COL26A1: variants seen among roughly 807,000 people sequenced by gnomAD.
COL26A1 encodes the protein collagen type XXVI alpha 1 chain, also known as collagen alpha-1(XXVI) chain.
A neutral mutation model predicts 59.3 loss-of-function variants in COL26A1; 41 were observed. The observed-to-expected ratio is 0.69, with a 90% CI of 0.54 to 0.90. The LOEUF is 0.90. Ranked by LOEUF, COL26A1 falls within the 40% of genes least tolerant of loss-of-function variation. The pLI, the probability that COL26A1 is intolerant of heterozygous loss-of-function variation, is 0.00. For synonymous variants in COL26A1, 266 were observed against 256.0 expected, an observed-to-expected ratio of 1.04 and a Z score of -0.37; for missense variants, 612 against 602.3, an observed-to-expected ratio of 1.02 and a Z score of -0.17.
intron 1 of COL26A1, among the ~76,000 whole-genome samples, chr7:101,391,993 C>T (rs956242915): frequency 8.6e-5 from 13 of 152,010 alleles, no homozygotes; most frequent in African/African-American, 3.1e-4. Flanking sequence ...GCTGGGATTA[C>T]AGGCATGAGC....
At position 101,397,502 on chromosome 7, in the gene COL26A1, C is replaced by T. The variant is rs893757438; in HGVS notation, c.159-22475C>T. Among the ~76,000 whole-genome samples, 50 of 146,522 alleles carry T rather than the reference C, an allele frequency of 3.4e-4. 1 individual carries two copies. The highest frequency in any genetic ancestry group is 4.5e-4 in the South Asian group (2 of 4,426). Reference sequence around the variant, plus strand: ...TTCCTTCTCCTTTCCTTCTCCTTCTCCTTCCCTTCCCTTCCCTTCCTTCTC... The same window carrying T: ...TTCCTTCTCCTTTCCTTCTCCTTCTTCTTCCCTTCCCTTCCCTTCCTTCTC... On this transcript the variant is annotated intron_variant, in intron 1 of 12. Transcript: ENST00000313669.
At chr7:101,387,774 A>ATTTTTTTTTT (rs1185449488) in intron 1 of COL26A1, among the ~76,000 whole-genome samples, 1 of 48,902 alleles carries the variant, frequency 2.0e-5, no homozygotes, top group Non-Finnish European at 4.1e-5. Flanking sequence ...ATATATATAT[A>ATTTTTTTTTT]TATATTTTTT....
intron 3 of COL26A1, among the ~76,000 whole-genome samples, chr7:101,487,825 C>T (rs1794300639): frequency 6.6e-6 from 1 of 152,180 alleles, no homozygotes; most frequent in African/African-American, 2.4e-5. Context: ...GCCCCCACCA[C>T]AACACTGATT....
intron 2 of COL26A1, among the ~76,000 whole-genome samples, chr7:101,442,056 GA>G (rs1793071735): frequency 6.6e-6 from 1 of 152,210 alleles, no homozygotes; most frequent in South Asian, 2.1e-4. Flanking sequence ...CCATCGTGCA[GA>G]GGTTAAGGGA....
At chr7:101,450,156 A>G (rs796240654) in intron 3 of COL26A1, among the ~76,000 whole-genome samples, 4 of 151,162 alleles carry the variant, frequency 2.6e-5, no homozygotes, top group African/African-American at 7.3e-5. Flanking sequence ...GATTAAAATG[A>G]GCTAGGGAAG....
At chr7:101,387,374 G>GA (rs11386764) in intron 1 of COL26A1, among the ~76,000 whole-genome samples, 57,076 of 143,552 alleles carry the variant, frequency 0.4, 12,960 homozygotes, top group Middle Eastern at 0.54. Flanking sequence ...CCGACACACT[G>GA]AAAAAAAAAA....
chr7:101,427,403 T>C (rs1425467165), intron 2 of COL26A1, among the ~76,000 whole-genome samples: 1 of 152,114 alleles, frequency 6.6e-6, no homozygotes, highest in African/African-American at 2.4e-5. Flanking sequence ...GGCTCATGCC[T>C]GTAATCCCAG....
At position 101,415,940 on chromosome 7, in the gene COL26A1, C is replaced by T. The variant is rs937722126; in HGVS notation, c.159-4037C>T. On this transcript the variant is annotated intron_variant, in intron 1 of 12. Transcript: ENST00000313669. ...GAGCCACTGCACCCAACCCCTTTCA[C>T]GTATTTTTGAGTGTGCTAGTACTGG... Among the ~76,000 whole-genome samples, 5 of 105,376 alleles carry T rather than the reference C, an allele frequency of 4.7e-5. 1 individual carries two copies. Among genetic ancestry groups the T allele is most frequent in the Non-Finnish European group, 9.9e-5 (4 of 40,318 alleles). The allele number at this position is 105,376 out of a possible 152,430, so 69.1% of individuals were successfully genotyped here.
intron 5 of COL26A1, among the ~76,000 whole-genome samples, chr7:101,543,599 G>A (rs373759576): frequency 6.6e-6 from 1 of 152,084 alleles, no homozygotes; most frequent in South Asian, 2.1e-4. Flanking sequence ...CCTCCTCGGA[G>A]GCCACCTGTT....
At chr7:101,553,131 A>C in intron 10 of COL26A1, 195 bp from the exon 11 acceptor site, 1 of 527,970 alleles carries the variant, frequency 1.9e-6, no homozygotes. Flanking sequence ...CAGGCTGAGC[A>C]GGCTGTGCCC....
chr7:101,556,831 TGATA>T (rs565873258), intron 12 of COL26A1, among the ~76,000 whole-genome samples: 189 of 151,068 alleles, frequency 1.3e-3, no homozygotes, highest in African/African-American at 4.3e-3. Flanking sequence ...GATGGATGGA[TGATA>T]GATGGATGGG....
intron 3 of COL26A1, among the ~76,000 whole-genome samples, chr7:101,526,688 C>T (rs558228800): frequency 1.0e-3 from 154 of 152,312 alleles, no homozygotes; most frequent in Admixed American, 8.1e-3. Flanking sequence ...CAGTGCTGAC[C>T]AAAGGCAGAT....
intron 1 of COL26A1, among the ~76,000 whole-genome samples, chr7:101,406,779 C>T (rs1792138112): frequency 6.6e-6 from 1 of 152,144 alleles, no homozygotes; most frequent in Non-Finnish European, 1.5e-5. Context: ...GACCCCATCT[C>T]TGCAAAACAT....
At chr7:101,524,436 T>C (rs149459347) in intron 3 of COL26A1, among the ~76,000 whole-genome samples, 319 of 152,316 alleles carry the variant, frequency 2.1e-3, no homozygotes, top group Non-Finnish European at 3.4e-3. Flanking sequence ...TCCAGAGGTA[T>C]AGACCTGACA....
chr7:101,373,582 C>A (rs529344590), intron 1 of COL26A1, among the ~76,000 whole-genome samples: 6 of 152,222 alleles, frequency 3.9e-5, no homozygotes, highest in African/African-American at 1.2e-4. Flanking sequence ...GAGGCAGTGC[C>A]TCTGCCTCAG....
chr7:101,520,766 T>G (rs1399414315), intron 3 of COL26A1, among the ~76,000 whole-genome samples: 1 of 152,002 alleles, frequency 6.6e-6, no homozygotes, highest in Non-Finnish European at 1.5e-5. Context: ...GCCCTGACTC[T>G]CTCTATAAGC....
chr7:101,494,127 C>CGTTTTGTTTTGTTTTGTTTTGTTTT lies in COL26A1; in HGVS notation c.386-38931_386-38930insTGTTTTGTTTTGTTTTGTTTTGTTT, dbSNP rs148496430. Among the ~76,000 whole-genome samples the CGTTTTGTTTTGTTTTGTTTTGTTTT allele has an allele frequency of 1.0e-3, 151 of 151,512 alleles. 1 individual carries two copies. The highest frequency in any genetic ancestry group is 3.6e-3 in the African/African-American group (148 of 41,248). ...GGTACTTCTACTTCTATTGCATTGT[C>CGTTTTGTTTTGTTTTGTTTTGTTTT]GTTTTGTTTTGTTTTGTTTTGTTTG... On this transcript the variant is annotated intron_variant, in intron 3 of 12. Transcript: ENST00000313669.
intron 3 of COL26A1, among the ~76,000 whole-genome samples, chr7:101,501,324 C>T (rs1339530038): frequency 6.6e-6 from 1 of 151,952 alleles, no homozygotes; most frequent in African/African-American, 2.4e-5. Flanking sequence ...CTAGGAGACA[C>T]GCACACATCC....
chr7:101,362,817 T>C (rs1790921284), upstream of COL26A1: 2 of 542,484 alleles, frequency 3.7e-6, no homozygotes, highest in Non-Finnish European at 6.4e-6. Context: ...ACGCCCCCTT[T>C]GACGGCTTAG....
Sources: allele counts gnomAD v4.1 joint callset (sites outside exome capture counted in the v4.1 genomes callset), GRCh38; gene constraint gnomAD v4.1.1; transcripts MANE v1.5; gene names NCBI Gene and HGNC (gene_info 2026-07-23, HGNC 2026-07-21).